The following VWA8 variants were observed in gnomAD, a reference collection of about 807,000 sequenced individuals.
VWA8 encodes the protein von Willebrand factor A domain containing 8.
In VWA8, 221 loss-of-function variants were observed where a neutral mutation model predicts 241.5. The ratio of observed to expected loss-of-function variants is 0.91; its 90% CI spans 0.82 to 1.02. The LOEUF is 1.02. Among genes scored for constraint, VWA8 ranks in the 50% least tolerant of loss-of-function variants. VWA8 has a pLI of 0.00. For missense variants in VWA8, 2,322 were observed against 2,328.7 expected (o/e 1.00, Z 0.06); for synonymous variants, 852 against 827.1 (o/e 1.03, Z -0.52).
At chr13:41,914,587 A>G (rs1876165710) in intron 2 of VWA8, among the ~76,000 whole-genome samples, 1 of 152,226 alleles carries the variant, frequency 6.6e-6, no homozygotes, top group Non-Finnish European at 1.5e-5. Flanking sequence ...GTAAAACTAC[A>G]CAATGTTCTC....
chr13:41,959,895 A>G (rs1240519843), intron 1 of VWA8, among the ~76,000 whole-genome samples: 1 of 152,124 alleles, frequency 6.6e-6, no homozygotes, highest in Non-Finnish European at 1.5e-5. Context: ...GGCGTGAGCC[A>G]CCGCGCCCGG....
chr13:41,901,643 G>A (rs1388592692), intron 4 of VWA8, among the ~76,000 whole-genome samples: 1 of 151,544 alleles, frequency 6.6e-6, no homozygotes, highest in East Asian at 1.9e-4. Flanking sequence ...CGAGGTATGC[G>A]GATCACCTGA....
At chr13:41,854,553 A>G (rs868152069) in intron 12 of VWA8, among the ~76,000 whole-genome samples, 2 of 150,982 alleles carry the variant, frequency 1.3e-5, no homozygotes, top group South Asian at 2.1e-4. Context: ...TTCTGCATGC[A>G]CAGGAGGAAT....
chr13:41,580,326 C>T (rs2044374626), intron 42 of VWA8, among the ~76,000 whole-genome samples: 1 of 152,228 alleles, frequency 6.6e-6, no homozygotes, highest in African/African-American at 2.4e-5. Context: ...TTGGTCCAAT[C>T]TCCATGTAGC....
chr13:41,628,031 T>TATG lies in VWA8; in HGVS notation c.4612-12948_4612-12947insCAT, dbSNP rs746977311. On this transcript the variant is annotated intron_variant, in intron 37 of 44. Transcript: ENST00000379310. ...CGAGTAAATGACTTTGTAACTTTTC[T>TATG]TCATCCACTTGATTTACATAGGGTG... 4.2e-3 allele frequency among the ~76,000 whole-genome samples: 632 copies of TATG among 152,288 alleles called. 2 individuals are homozygous for TATG. The highest frequency in any genetic ancestry group is 5.9e-3 in the Non-Finnish European group (403 of 68,020).
chr13:41,875,597 TAGGTCC>T lies in VWA8; in HGVS notation c.1081-7126_1081-7121del, dbSNP rs1280356931. On this transcript the variant is annotated intron_variant, in intron 9 of 44. Coordinates refer to ENST00000379310, the MANE Select transcript of VWA8 (RefSeq NM_015058.2). ...ACCACTCTACTAACACTGATCTTGG[TAGGTCC>T]ATCAATAATATCCTATTTACCAAAT... 2.0e-5 allele frequency among the ~76,000 whole-genome samples: 3 copies of T among 152,180 alleles called. No homozygotes were observed. The East Asian group carries it at 5.8e-4, about 29-fold the overall frequency.
intron 37 of VWA8, among the ~76,000 whole-genome samples, chr13:41,652,487 A>C (rs9562329): frequency 6.6e-6 from 1 of 152,174 alleles, no homozygotes; most frequent in Admixed American, 6.5e-5. Flanking sequence ...CATACTCAGC[A>C]GTTAATTAAA....
intron 37 of VWA8, among the ~76,000 whole-genome samples, chr13:41,636,900 A>G (rs959424133): frequency 1.3e-5 from 2 of 151,956 alleles, no homozygotes; most frequent in African/African-American, 2.4e-5. Context: ...GCAATCATTA[A>G]AAAGTCAGGA....
intron 2 of VWA8, among the ~76,000 whole-genome samples, chr13:41,930,328 T>G (rs1334151681): frequency 6.6e-6 from 1 of 152,180 alleles, no homozygotes; most frequent in Non-Finnish European, 1.5e-5. Context: ...CTAAAGAAAT[T>G]AAAACTAGAA....
chr13:41,855,011 G>C (rs903166348), intron 12 of VWA8, among the ~76,000 whole-genome samples: 2 of 152,018 alleles, frequency 1.3e-5, no homozygotes, highest in Admixed American at 1.3e-4. Context: ...GGTCTTACAG[G>C]GGCCAGATAA....
intron 20 of VWA8, among the ~76,000 whole-genome samples, 176 bp from the exon 21 acceptor site, chr13:41,761,380 G>T (rs539673666): frequency 7.9e-5 from 12 of 152,082 alleles, no homozygotes; most frequent in Non-Finnish European, 1.2e-4. Flanking sequence ...TGACATAAGG[G>T]TTTAAAAAAT....
At chr13:41,927,718 C>T (rs1160356427) in intron 2 of VWA8, among the ~76,000 whole-genome samples, 1 of 151,988 alleles carries the variant, frequency 6.6e-6, no homozygotes, top group Non-Finnish European at 1.5e-5. Context: ...TACAAAACAG[C>T]CAGAAAACAA....
chr13:41,670,873 T>C lies in VWA8; in HGVS notation c.4611+73A>G, dbSNP rs993048837. The C allele has an allele frequency of 1.9e-6, 3 of 1,559,036 alleles. No homozygotes were observed. The African/African-American group carries it at 4.1e-5, about 21-fold the overall frequency. ...TGAGTCACTGGCCCAGAAATTTTCA[T>C]GACTGTGGCATCTGGAACTAAATTT... On this transcript the variant is annotated intron_variant, in intron 37 of 44. Coordinates refer to ENST00000379310, the MANE Select transcript of VWA8 (RefSeq NM_015058.2).
At position 41,960,878 on chromosome 13, in the gene VWA8, C is replaced by A; in HGVS notation, c.138G>T (p.Leu46Phe). Reference sequence around the variant, plus strand: ...CTGTGTCGGCCCCCGAGCCGGCGTGCAACAGTCTGACCTCCGGCCGCTGCC... The same window carrying A: ...CTGTGTCGGCCCCCGAGCCGGCGTGAAACAGTCTGACCTCCGGCCGCTGCC... ...GDRQRPEVRL[L>F]HAGSGADTGD... The change falls in exon 1 of 45, where the codon TTG (leucine) becomes TTT (phenylalanine). Residue 46 changes from leucine (L) to phenylalanine (F), a missense_variant. Physicochemically the swap from Leu to Phe is conservative, Grantham distance 22. Coordinates refer to ENST00000379310, the MANE Select transcript of VWA8 (RefSeq NM_015058.2). 6.6e-7 allele frequency: 1 copy of A among 1,519,182 alleles called. No individual in the cohort carries two copies. Among genetic ancestry groups the A allele is most frequent in the Non-Finnish European group, 8.8e-7 (1 of 1,139,498 alleles). The allele number at this position is 1,519,182 out of a possible 1,614,324, so 94.1% of individuals were successfully genotyped here.
At chr13:41,736,844 CTT>C (rs5803100) in intron 21 of VWA8, among the ~76,000 whole-genome samples, 42,027 of 127,902 alleles carry the variant, frequency 0.33, 6,075 homozygotes, top group Admixed American at 0.36. Flanking sequence ...TTTTTCTTTT[CTT>C]TTTTTTTTTT....
At chr13:41,803,364 A>C (rs1870044094) in intron 17 of VWA8, among the ~76,000 whole-genome samples, 1 of 152,208 alleles carries the variant, frequency 6.6e-6, no homozygotes, top group Admixed American at 6.5e-5. Flanking sequence ...AGACAGAGAT[A>C]TATGACTGTA....
chr13:41,713,950 T>C (rs1442279138), intron 26 of VWA8, among the ~76,000 whole-genome samples: 1 of 152,022 alleles, frequency 6.6e-6, no homozygotes, highest in African/African-American at 2.4e-5. Flanking sequence ...GGAATATCTC[T>C]TCTATTATGT....
At chr13:41,827,083 T>C (rs570847015) in intron 14 of VWA8, among the ~76,000 whole-genome samples, 9 of 152,000 alleles carry the variant, frequency 5.9e-5, no homozygotes, top group Non-Finnish European at 1.3e-4. Flanking sequence ...TAAAATTACA[T>C]TGTAATTACT....
intron 2 of VWA8, chr13:41,926,477 C>A: frequency 1.9e-6 from 1 of 525,574 alleles, no homozygotes. Context: ...GAGAATTGCT[C>A]CGGAACTCTA....
Sources: gnomAD v4.1 joint callset for allele counts (sites outside exome capture counted in the v4.1 genomes callset) on GRCh38, gnomAD v4.1.1 for gene constraint, MANE v1.5 for transcripts, NCBI Gene and HGNC (gene_info 2026-07-23, HGNC 2026-07-21) for gene names.